The following CAPN2 variants were observed in gnomAD, a reference collection of about 807,000 sequenced individuals.
The protein encoded by CAPN2 is calpain-2 catalytic subunit.
A neutral mutation model predicts 102.3 loss-of-function variants in CAPN2; 92 were observed. The ratio of observed to expected loss-of-function variants is 0.90; its 90% CI spans 0.76 to 1.07. The LOEUF is 1.07. Ranked by LOEUF, CAPN2 falls within the 50% of genes least tolerant of loss-of-function variation. The pLI, the probability that CAPN2 is intolerant of heterozygous loss-of-function variation, is 0.00. For synonymous variants in CAPN2, 340 were observed against 355.4 expected (o/e 0.96, Z 0.49); for missense variants, 800 against 909.4 (o/e 0.88, Z 1.55).
intron 1 of CAPN2, among the ~76,000 whole-genome samples, chr1:223,713,933 A>C (rs185378419): frequency 1.3e-5 from 2 of 152,268 alleles, no homozygotes; most frequent in Admixed American, 1.3e-4. Flanking sequence ...TGCTGCCTAA[A>C]TATTTTCTCT....
At chr1:223,706,520 G>T (rs548855533) in intron 1 of CAPN2, among the ~76,000 whole-genome samples, 1 of 152,244 alleles carries the variant, frequency 6.6e-6, no homozygotes, top group African/African-American at 2.4e-5. Context: ...TGGGCCTGCC[G>T]TTCCCTCTGC....
rs1336153775 is a variant in CAPN2 at position 223,752,037 on chromosome 1, A to T, written c.940A>T (p.Arg314Trp). The T allele has an allele frequency of 6.2e-7, 1 of 1,613,362 alleles. No individual in the cohort carries two copies. Among genetic ancestry groups the T allele is most frequent in the Non-Finnish European group, 8.5e-7 (1 of 1,179,480 alleles). ...WNTIDPEERE[R>W]LTRRHEDGEF... ...CACTATAGACCCAGAGGAGAGGGAA[A>T]GGCTGACCAGACGGCATGAAGATGG... The change falls in exon 8 of 21, where the codon AGG (arginine) becomes TGG (tryptophan). Residue 314 changes from arginine (R) to tryptophan (W), a missense_variant. Transcript: ENST00000295006.
chr1:223,719,626 T>C (rs1659995211), intron 2 of CAPN2, among the ~76,000 whole-genome samples: 1 of 152,196 alleles, frequency 6.6e-6, no homozygotes, highest in South Asian at 2.1e-4. Flanking sequence ...TGCCAAAGTG[T>C]AAGCAACAAA....
intron 2 of CAPN2, among the ~76,000 whole-genome samples, chr1:223,733,702 C>T (rs1230324996): frequency 6.6e-6 from 1 of 152,198 alleles, no homozygotes; most frequent in Non-Finnish European, 1.5e-5. Context: ...GATTCAAAAA[C>T]ACAAATCAAA....
chr1:223,735,952 G>C (rs988045254), intron 2 of CAPN2, among the ~76,000 whole-genome samples: 4 of 152,234 alleles, frequency 2.6e-5, no homozygotes, highest in Non-Finnish European at 5.9e-5. Context: ...GCTAATTTTT[G>C]TATCTTTAGT....
chr1:223,734,547 T>A (rs1296134547), intron 2 of CAPN2, among the ~76,000 whole-genome samples: 29 of 152,042 alleles, frequency 1.9e-4, no homozygotes, highest in Admixed American at 1.9e-3. Context: ...ACAGACACCT[T>A]ATGCACTGCT....
rs1660772630 is a variant in CAPN2, at chr1:223,747,261, A to G, written c.729+96A>G. 2.4e-6 allele frequency: 3 copies of G among 1,241,124 alleles called. No individual in the cohort carries two copies. The East Asian group carries it at 7.3e-5, about 30-fold the overall frequency. 76.9% of individuals were successfully genotyped at this position (1,241,124 alleles called of 1,614,324 possible). A position where few individuals can be genotyped will look rare whatever the true frequency, so the allele number is the denominator to read the frequency against. On this transcript the variant is annotated intron_variant, in intron 5 of 20. Transcript: ENST00000295006. Reference sequence around the variant, plus strand: ...AGGGAACCCACTGCTCCTGTGTACAACGTAATGCAGCCCTCGTCCACGTAG... The same window carrying G: ...AGGGAACCCACTGCTCCTGTGTACAGCGTAATGCAGCCCTCGTCCACGTAG...
chr1:223,705,725 C>T (rs956673108), intron 1 of CAPN2, among the ~76,000 whole-genome samples: 2 of 152,158 alleles, frequency 1.3e-5, no homozygotes, highest in African/African-American at 4.8e-5. Context: ...ATATTTGTTC[C>T]CTACAACAGG....
At position 223,750,965 on chromosome 1, in the gene CAPN2, T is replaced by G. The variant is rs1571806681; in HGVS notation, c.889T>G (p.Trp297Gly). ...PWGEVEWTGR[W>G]NDNCPSWNTI... Reference sequence around the variant, plus strand: ...GGGAGAAGTGGAGTGGACAGGGCGGTGGAATGACAAGTGAGGAGGGCGCAG... The same window carrying G: ...GGGAGAAGTGGAGTGGACAGGGCGGGGGAATGACAAGTGAGGAGGGCGCAG... Residue 297 changes from tryptophan (W) to glycine (G), a missense_variant, in exon 7 of 21, where the codon TGG becomes GGG. Coordinates refer to ENST00000295006, the MANE Select transcript of CAPN2 (RefSeq NM_001748.5). 1 of 1,551,690 alleles carries G rather than the reference T, an allele frequency of 6.4e-7. No individual in the cohort carries two copies. The highest frequency in any genetic ancestry group is 2.0e-5 in the Admixed American group (1 of 50,982).
intron 2 of CAPN2, among the ~76,000 whole-genome samples, chr1:223,729,917 G>A (rs773571200): frequency 2.0e-5 from 3 of 147,074 alleles, no homozygotes; most frequent in East Asian, 2.0e-4. Flanking sequence ...CAGGAGAATC[G>A]CTTGAACCCA....
chr1:223,746,898 T>G (rs1163847322), intron 4 of CAPN2, 99 bp from the exon 5 acceptor site: 8 of 1,053,716 alleles, frequency 7.6e-6, no homozygotes, highest in Middle Eastern at 2.6e-4. Flanking sequence ...AGGGGGTCCC[T>G]GGAGCATCAA....
In CAPN2 at chr1:223,729,591, G is replaced by A. The variant is rs372531564; in HGVS notation, c.307+11760G>A. Among the ~76,000 whole-genome samples the A allele has an allele frequency of 6.6e-5, 10 of 152,158 alleles. No individual in the cohort carries two copies. The South Asian group carries it at 1.0e-3, about 16-fold the overall frequency. On this transcript the variant is annotated intron_variant, in intron 2 of 20. Transcript: ENST00000295006. ...CAGGCAGACATCAATCCAGAAAGGC[G>A]GGACAACTTGAAGTGGATGGGGAAG...
chr1:223,774,824 T>G lies in CAPN2; in HGVS notation c.2080-10T>G. On this transcript the variant is annotated splice_polypyrimidine_tract_variant and intron_variant, in intron 20 of 20. Coordinates refer to ENST00000295006, the MANE Select transcript of CAPN2 (RefSeq NM_001748.5). ...TCACTGAGCTGACTTTTTTTTTTCC[T>G]TCCTCACAGTGGCTCTGTTTCTCAG... 6.2e-7 allele frequency: 1 copy of G among 1,612,898 alleles called. No homozygotes were observed. Among genetic ancestry groups the G allele is most frequent in the Non-Finnish European group, 8.5e-7 (1 of 1,179,234 alleles).
At chr1:223,758,908 G>A (rs1661112885) in intron 11 of CAPN2, 3 of 316,608 alleles carry the variant, frequency 9.5e-6, no homozygotes, top group African/African-American at 2.2e-5. Context: ...TGCCCAGGCT[G>A]GTCTCAAACT....
At chr1:223,709,661 C>CAAAAAA (rs779362608), upstream of CAPN2, among the ~76,000 whole-genome samples, 1 of 137,818 alleles carries the variant, frequency 7.3e-6, no homozygotes. Context: ...AACTCCATCT[C>CAAAAAA]AAAAAAAAAA....
intron 2 of CAPN2, among the ~76,000 whole-genome samples, chr1:223,743,417 G>C (rs1660673974): frequency 6.6e-6 from 1 of 152,130 alleles, no homozygotes; most frequent in African/African-American, 2.4e-5. Context: ...CCTCCTAGGA[G>C]GCGTGCAACG....
chr1:223,744,887 C>G (rs1558069526), intron 3 of CAPN2, among the ~76,000 whole-genome samples: 1 of 151,226 alleles, frequency 6.6e-6, no homozygotes, highest in East Asian at 1.9e-4. Context: ...ACTAAAAACA[C>G]AAAAAAAATT....
chr1:223,702,064 AG>A (rs1303245605), intron 1 of CAPN2, among the ~76,000 whole-genome samples: 1 of 8,914 alleles, frequency 1.1e-4, no homozygotes, highest in Non-Finnish European at 4.7e-4. Context: ...GAAGGAAGGA[AG>A]GGAGGGAGGG....
intron 1 of CAPN2, among the ~76,000 whole-genome samples, chr1:223,716,837 G>A (rs1659883784): frequency 6.6e-6 from 1 of 152,080 alleles, no homozygotes; most frequent in Admixed American, 6.6e-5. Flanking sequence ...CCATCAGGCT[G>A]CTCATGACAA....
Sources: allele counts gnomAD v4.1 joint callset (sites outside exome capture counted in the v4.1 genomes callset), GRCh38; gene constraint gnomAD v4.1.1; transcripts MANE v1.5; gene names NCBI Gene and HGNC (gene_info 2026-07-23, HGNC 2026-07-21).